PIEZO2: variants seen among roughly 807,000 people sequenced by gnomAD.
PIEZO2 encodes the protein piezo type mechanosensitive ion channel component 2.
In PIEZO2, 172 loss-of-function variants were observed where a neutral mutation model predicts 337.3. The observed-to-expected ratio is 0.51, with a 90% CI of 0.45 to 0.58. The LOEUF (loss-of-function observed/expected upper bound fraction) is 0.58, where lower values mean the gene tolerates loss of function less well. Among genes scored for constraint, PIEZO2 ranks in the 20% least tolerant of loss-of-function variants. The probability of loss-of-function intolerance (pLI) is 0.00; values close to 1 mark genes in which losing one functional copy is unlikely to be tolerated. For missense variants in PIEZO2, 3,028 were observed against 3,391.3 expected, an observed-to-expected ratio of 0.89 and a Z score of 2.66; for synonymous variants, 1,251 against 1,228.5, an observed-to-expected ratio of 1.02 and a Z score of -0.38.
rs563605358 is a variant in PIEZO2, at chr18:10,780,447, C to T, written c.2493-81G>A. On this transcript the variant is annotated intron_variant, in intron 17 of 55. Transcript: ENST00000674853. ...AAGAGAGGAGACTGTTAGACAGAGA[C>T]GAACAAAGTGGACTCCCTTAAGCTT... The T allele has an allele frequency of 6.4e-4, 445 of 697,238 alleles. 1 individual carries two copies. The highest frequency in any genetic ancestry group is 9.0e-4 in the Non-Finnish European group (342 of 381,724). The allele number at this position is 697,238 out of a possible 1,614,324, so 43.2% of individuals were successfully genotyped here.
At position 10,791,184 on chromosome 18, in the gene PIEZO2, C is replaced by CAT. The variant is rs781223958; in HGVS notation, c.1882+15_1882+16dup. On this transcript the variant is annotated intron_variant, in intron 14 of 55. Coordinates refer to ENST00000674853, the MANE Select transcript of PIEZO2 (RefSeq NM_001378183.1). ...CTGAGCACCAAACTCTCCAGCCACA[C>CAT]ATATACACTAATTTACCTTTTTCTT... The CAT allele has an allele frequency of 6.5e-7, 1 of 1,530,204 alleles. No homozygotes were observed. Among genetic ancestry groups the CAT allele is most frequent in the Admixed American group, 2.0e-5 (1 of 50,250 alleles). The allele number at this position is 1,530,204 out of a possible 1,614,324, so 94.8% of individuals were successfully genotyped here.
chr18:10,893,836 T>C (rs1415271873), intron 4 of PIEZO2, among the ~76,000 whole-genome samples: 1 of 152,196 alleles, frequency 6.6e-6, no homozygotes, highest in African/African-American at 2.4e-5. Context: ...CTGTTAAATA[T>C]TCTTTGGGCA....
At chr18:10,735,871 C>T (rs765016998) in intron 34 of PIEZO2, among the ~76,000 whole-genome samples, 13 of 152,068 alleles carry the variant, frequency 8.5e-5, no homozygotes, top group Admixed American at 3.3e-4. Flanking sequence ...CTATGTGCCT[C>T]GTAGGAAAAC....
rs2145612332 is a variant in PIEZO2 at position 11,002,112 on chromosome 18, T to C, written c.161-22452A>G. ...GTAGCAAATAGCCATAGAAAATACATGGACGAATTAATAATGATTATAGTC... is the reference window on the plus strand; with the variant it reads ...GTAGCAAATAGCCATAGAAAATACACGGACGAATTAATAATGATTATAGTC... On this transcript the variant is annotated intron_variant, in intron 2 of 55. Coordinates refer to ENST00000674853, the MANE Select transcript of PIEZO2 (RefSeq NM_001378183.1). This position sits in a 1 kb window ranked among gnomAD's most constrained non-coding sequence, Gnocchi z 4.3. Among the ~76,000 whole-genome samples, 1 of 152,340 alleles carries C rather than the reference T, an allele frequency of 6.6e-6. No homozygotes were observed. The highest frequency in any genetic ancestry group is 1.9e-4 in the East Asian group (1 of 5,182).
intron 17 of PIEZO2, among the ~76,000 whole-genome samples, chr18:10,782,380 A>C (rs1350290228): frequency 1.0e-5 from 1 of 99,162 alleles, no homozygotes. Context: ...ATTATAATAT[A>C]TTATAATTAT....
chr18:11,051,390 T>C (rs562308051), intron 2 of PIEZO2, among the ~76,000 whole-genome samples: 10 of 151,604 alleles, frequency 6.6e-5, no homozygotes, highest in Non-Finnish European at 1.5e-4. Context: ...TGGGTGTGGG[T>C]GTAACATAAA....
chr18:10,734,158 T>C (rs1447069573), intron 35 of PIEZO2, among the ~76,000 whole-genome samples: 1 of 152,248 alleles, frequency 6.6e-6, no homozygotes, highest in East Asian at 1.9e-4. Flanking sequence ...ATTACATTGT[T>C]ATATTTCATT....
chr18:10,684,520 G>A (rs12969564), intron 49 of PIEZO2, among the ~76,000 whole-genome samples: 42,689 of 146,938 alleles, frequency 0.29, 6,876 homozygotes, highest in Non-Finnish European at 0.38. Flanking sequence ...GCTGGGGTGC[G>A]GTGGTGCAGT....
intron 22 of PIEZO2, 89 bp from the exon 23 acceptor site, chr18:10,762,714 A>C (rs2038188366): frequency 6.9e-7 from 1 of 1,449,384 alleles, no homozygotes; most frequent in Admixed American, 2.2e-5. Context: ...GAGCAAAATG[A>C]TAGTGGTAGG....
Position 10,752,713 on chromosome 18 carries a change from T to C in PIEZO2, c.4090A>G (p.Ile1364Val), listed in dbSNP as rs1408137241. The C allele has an allele frequency of 1.3e-6, 2 of 1,537,126 alleles. No homozygotes were observed. The highest frequency in any genetic ancestry group is 8.7e-7 in the Non-Finnish European group (1 of 1,146,918). The change falls in exon 28 of 56, where the codon ATC becomes GTC. Residue 1364 changes from isoleucine to valine, a missense_variant. Transcript: ENST00000674853. ...TCCCAGTAGCGCAGGATGCTCTTGA[T>C]GGGTTTCAACAGCAAATCGCCCCCA... ...LFGGDLLLKP[I>V]KSILRYWDWL...
At position 10,704,547 on chromosome 18, in the gene PIEZO2, C is replaced by T. The variant is rs767891927; in HGVS notation, c.6105G>A (p.Ser2035=). ...YAMYNTLVAR[S]EMVCYFVIIL... Reference sequence around the variant, plus strand: ...TGATCACGAAGTAGCACACCATCTCCGAGCGGGCCACCAGGGTATTGTACA... The same window carrying T: ...TGATCACGAAGTAGCACACCATCTCTGAGCGGGCCACCAGGGTATTGTACA... Residue 2035 remains serine, a synonymous_variant, in exon 42 of 56, where the codon TCG becomes TCA. Coordinates refer to ENST00000674853, the MANE Select transcript of PIEZO2 (RefSeq NM_001378183.1). 7.1e-5 allele frequency: 109 copies of T among 1,537,130 alleles called. No individual in the cohort carries two copies. The highest frequency in any genetic ancestry group is 1.4e-4 in the Admixed American group (7 of 50,982).
intron 11 of PIEZO2, 104 bp from the exon 12 acceptor site, chr18:10,797,626 T>G: frequency 6.9e-7 from 1 of 1,456,442 alleles, no homozygotes; most frequent in Non-Finnish European, 9.0e-7. Flanking sequence ...TAGCCTTTTA[T>G]TTAAGATTTC....
chr18:10,856,864 T>A lies in PIEZO2; in HGVS notation c.703+137A>T. ...TTGTGTGGTTTGTACATGTGGCCAG[T>A]TTTACAAGAGCTACAGTTATGATAT... On this transcript the variant is annotated intron_variant, in intron 6 of 55. Transcript: ENST00000674853. This position sits in a 1 kb window ranked among gnomAD's most constrained non-coding sequence, Gnocchi z 4.7. The A allele has an allele frequency of 1.2e-6, 1 of 846,288 alleles. No individual in the cohort carries two copies. The highest frequency in any genetic ancestry group is 3.6e-4 in the Middle Eastern group (1 of 2,782). The allele number at this position is 846,288 out of a possible 1,614,324, so 52.4% of individuals were successfully genotyped here. A position where few individuals can be genotyped will look rare whatever the true frequency, so the allele number is the denominator to read the frequency against.
chr18:10,685,613 G>A (rs1336458119), intron 49 of PIEZO2, among the ~76,000 whole-genome samples: 2 of 152,196 alleles, frequency 1.3e-5, no homozygotes, highest in Non-Finnish European at 2.9e-5. Context: ...GCAGTGAGCT[G>A]AAGAACAGAG....
chr18:11,100,884 C>T (rs529163955), intron 1 of PIEZO2, among the ~76,000 whole-genome samples: 2 of 152,272 alleles, frequency 1.3e-5, no homozygotes, highest in African/African-American at 4.8e-5. Flanking sequence ...CATGAGCCAC[C>T]GTGCCTGGCC....
At chr18:11,034,294 CTTTTCTTTTT>C (rs1232208928) in intron 2 of PIEZO2, among the ~76,000 whole-genome samples, 1 of 148,648 alleles carries the variant, frequency 6.7e-6, no homozygotes, top group East Asian at 2.0e-4. Flanking sequence ...CATTTCTTTT[CTTTTCTTTTT>C]TTTTTCTTTT....
rs1379084903 is a variant in PIEZO2 at position 11,038,561 on chromosome 18, C to A, written c.160+27566G>T. 6.6e-6 allele frequency among the ~76,000 whole-genome samples: 1 copy of A among 152,116 alleles called. No individual in the cohort carries two copies. Among genetic ancestry groups the A allele is most frequent in the Non-Finnish European group, 1.5e-5 (1 of 68,034 alleles). On this transcript the variant is annotated intron_variant, in intron 2 of 55. Coordinates refer to ENST00000674853, the MANE Select transcript of PIEZO2 (RefSeq NM_001378183.1). The surrounding 1 kb of genome is among the most constrained non-coding windows in gnomAD (Gnocchi z 4.1). ...CCTCCTGCAAACCCCTGGATGAAGACTGAATGTATCTATGACCTGTGAACA... is the reference window on the plus strand; with the variant it reads ...CCTCCTGCAAACCCCTGGATGAAGAATGAATGTATCTATGACCTGTGAACA...
In PIEZO2 at chr18:10,855,710, G is replaced by T; in HGVS notation, c.704-144C>A. 1.5e-6 allele frequency: 1 copy of T among 661,878 alleles called. No individual in the cohort carries two copies. Among genetic ancestry groups the T allele is most frequent in the Non-Finnish European group, 2.5e-6 (1 of 400,596 alleles). The allele number at this position is 661,878 out of a possible 1,614,324, so 41.0% of individuals were successfully genotyped here. A position where few individuals can be genotyped will look rare whatever the true frequency, so the allele number is the denominator to read the frequency against. ...ATAGTAATTTTTAAAAATCATGTTTGATTTATATAATAAAAATTAATGCTA... is the reference window on the plus strand; with the variant it reads ...ATAGTAATTTTTAAAAATCATGTTTTATTTATATAATAAAAATTAATGCTA... On this transcript the variant is annotated intron_variant, in intron 6 of 55. Transcript: ENST00000674853. This position sits in a 1 kb window ranked among gnomAD's most constrained non-coding sequence, Gnocchi z 4.9.
rs1433917197 is a variant in PIEZO2, at chr18:10,787,031, C to G, written c.2318+5G>C. The G allele has an allele frequency of 6.5e-7, 1 of 1,527,950 alleles. No individual in the cohort carries two copies. Among genetic ancestry groups the G allele is most frequent in the Non-Finnish European group, 8.8e-7 (1 of 1,142,148 alleles). The allele number at this position is 1,527,950 out of a possible 1,614,324, so 94.6% of individuals were successfully genotyped here. On this transcript the variant is annotated splice_donor_5th_base_variant and intron_variant, in intron 16 of 55. Transcript: ENST00000674853. ...GTTCATCATTTTCAACTCAAAATCA[C>G]TTACTTTTCTTTTTTCAGTCCAGTC...
Sources: allele counts gnomAD v4.1 joint callset (sites outside exome capture counted in the v4.1 genomes callset), GRCh38; gene constraint gnomAD v4.1.1; non-coding constraint Gnocchi (gnomAD v3.1); transcripts MANE v1.5; gene names NCBI Gene and HGNC (gene_info 2026-07-23, HGNC 2026-07-21).